Variants in BRI3BP observed in about 807,000 individuals in gnomAD.
BRI3BP encodes BRI3-binding protein.
BRI3BP carries 7 observed loss-of-function variants against 15.8 expected under a neutral mutation model. That is an observed-to-expected ratio of 0.44 (90% CI 0.25 to 0.83). The LOEUF (loss-of-function observed/expected upper bound fraction) is 0.83, where lower values mean the gene tolerates loss of function less well. BRI3BP is among the 40% of genes least tolerant of loss of function. BRI3BP has a pLI of 0.20. For synonymous variants in BRI3BP, 192 were observed against 163.5 expected, an observed-to-expected ratio of 1.17 and a Z score of -1.33; for missense variants, 320 against 339.3, an observed-to-expected ratio of 0.94 and a Z score of 0.45.
At chr12:125,039,370 C>T in the BRI3BP span, among the ~76,000 whole-genome samples, 1 of 152,140 alleles carries the variant, frequency 6.6e-6, no homozygotes, top group Non-Finnish European at 1.5e-5. Context: ...TCAGGGGATC[C>T]TTTGCTAGGA....
At chr12:125,045,221 T>C in the BRI3BP span, among the ~76,000 whole-genome samples, 18 of 152,156 alleles carry the variant, frequency 1.2e-4, no homozygotes, top group African/African-American at 4.3e-4. Context: ...AGTGTAAAAC[T>C]GGCATCTAAG....
At chr12:125,034,999 G>T (rs1005067895), downstream of BRI3BP, among the ~76,000 whole-genome samples, 1 of 152,170 alleles carries the variant, frequency 6.6e-6, no homozygotes, top group Non-Finnish European at 1.5e-5. Flanking sequence ...ATCCATCCCA[G>T]TTGTTGCCCT....
In BRI3BP at chr12:125,019,016, G is replaced by A. The variant is rs138888878; in HGVS notation, c.317-5975G>A. ...TGGAATTACAGGCACCCACCACCAC[G>A]CCTGGCTAATTTTTATATTTCAGTA... is the stretch of plus-strand genomic sequence containing the variant. On this transcript the variant is annotated intron_variant, in intron 2 of 2. Coordinates refer to ENST00000341446, the MANE Select transcript of BRI3BP (RefSeq NM_080626.6). 2.2e-3 allele frequency among the ~76,000 whole-genome samples: 338 copies of A among 152,106 alleles called. 3 individuals carry two copies. The highest frequency in any genetic ancestry group is 5.0e-3 in the Admixed American group (77 of 15,260).
chr12:125,022,541 A>ATTTATTTTTTTTT, intron 2 of BRI3BP, among the ~76,000 whole-genome samples: 6 of 139,430 alleles, frequency 4.3e-5, no homozygotes, highest in Admixed American at 2.9e-4. Flanking sequence ...TTATTTATTT[A>ATTTATTTTTTTTT]TTTTTTGAGA....
At chr12:125,013,827 C>T (rs1397633583) in intron 2 of BRI3BP, among the ~76,000 whole-genome samples, 2 of 152,106 alleles carry the variant, frequency 1.3e-5, no homozygotes, top group Non-Finnish European at 2.9e-5. Flanking sequence ...GAGGCACGGC[C>T]CCTCCCTTTC....
Position 125,025,400 on chromosome 12 carries a change from C to G in BRI3BP, c.726C>G (p.Leu242=), listed in dbSNP as rs199583326. 6.2e-7 allele frequency: 1 copy of G among 1,607,498 alleles called. No individual in the cohort carries two copies. Among genetic ancestry groups the G allele is most frequent in the South Asian group, 1.1e-5 (1 of 90,458 alleles). The change falls in exon 3 of 3, where the codon CTC becomes CTG. Residue 242 remains leucine (L), a synonymous_variant. Transcript: ENST00000341446. ...RLLNIRLNRV[L]ESLDRSKDK is the part of the protein sequence containing the mutation. ...TCAACATCCGTCTCAACCGGGTGCT[C>G]GAGAGCCTGGACCGCTCCAAGGACA...
At chr12:125,018,866 T>A (rs1342631606) in intron 2 of BRI3BP, among the ~76,000 whole-genome samples, 1 of 151,754 alleles carries the variant, frequency 6.6e-6, no homozygotes, top group Non-Finnish European at 1.5e-5. Flanking sequence ...TGTTTTTGTT[T>A]TTGTTTTTTT....
At position 125,029,571 on chromosome 12, in the gene BRI3BP, T is replaced by TATATATATAC. The variant is rs1174530515; in HGVS notation, c.*4143_*4152dup. Reference sequence around the variant, plus strand: ...GTGTGTGTGTGTGTATATATATGTATATATATATACACACACACACACTTT... The same window carrying TATATATATAC: ...GTGTGTGTGTGTGTATATATATGTATATATATATACATATATATACACACACACACACTTT... On this transcript the variant is annotated 3_prime_UTR_variant, in exon 3 of 3. Transcript: ENST00000341446. The TATATATATAC allele has an allele frequency of 2.1e-5, 3 of 144,010 alleles. No individual in the cohort carries two copies. The highest frequency in any genetic ancestry group is 4.5e-5 in the Non-Finnish European group (3 of 67,036). The allele number at this position is 144,010 out of a possible 1,614,324, so 8.9% of individuals were successfully genotyped here.
At chr12:125,032,685 G>T (rs547416257), downstream of BRI3BP, among the ~76,000 whole-genome samples, 44 of 152,142 alleles carry the variant, frequency 2.9e-4, no homozygotes, top group South Asian at 8.9e-3. Flanking sequence ...GACGTGGGAG[G>T]ATCGCTTGAG....
downstream of BRI3BP, among the ~76,000 whole-genome samples, chr12:125,034,932 C>T (rs1447592522): frequency 6.6e-6 from 1 of 152,144 alleles, no homozygotes; most frequent in Non-Finnish European, 1.5e-5. Flanking sequence ...GATGAAACAG[C>T]ATGTGTCTCC....
chr12:125,036,946 C>T, the BRI3BP span, among the ~76,000 whole-genome samples: 25,959 of 152,194 alleles, frequency 0.17, 2,496 homozygotes, highest in Non-Finnish European at 0.22. Flanking sequence ...CTTGAACTTC[C>T]CAGCCTCCAG....
At chr12:125,037,338 G>A in the BRI3BP span, among the ~76,000 whole-genome samples, 1 of 152,134 alleles carries the variant, frequency 6.6e-6, no homozygotes, top group Non-Finnish European at 1.5e-5. Context: ...GATTACAGGC[G>A]TGAGCCGCCA....
chr12:125,024,961 C>T (rs1269495210), intron 2 of BRI3BP, 30 bp from the exon 3 acceptor site: 2 of 1,573,696 alleles, frequency 1.3e-6, no homozygotes, highest in Non-Finnish European at 8.7e-7. Flanking sequence ...CCCTGCGTAA[C>T]GAGCCCTGTT....
At chr12:125,005,555 G>A (rs1226539413) in intron 1 of BRI3BP, among the ~76,000 whole-genome samples, 1 of 152,008 alleles carries the variant, frequency 6.6e-6, no homozygotes, top group East Asian at 1.9e-4. Context: ...GATCACTTGA[G>A]GTCAGGAATT....
chr12:125,027,914 C>G lies in BRI3BP; in HGVS notation c.*2484C>G, dbSNP rs971882453. 6.6e-6 allele frequency: 1 copy of G among 152,118 alleles called. No homozygotes were observed. Among genetic ancestry groups the G allele is most frequent in the African/African-American group, 2.4e-5 (1 of 41,442 alleles). The allele number at this position is 152,118 out of a possible 1,614,324, so 9.4% of individuals were successfully genotyped here. A position where few individuals can be genotyped will look rare whatever the true frequency, so the allele number is the denominator to read the frequency against. On this transcript the variant is annotated 3_prime_UTR_variant, in exon 3 of 3. Coordinates refer to ENST00000341446, the MANE Select transcript of BRI3BP (RefSeq NM_080626.6). Reference sequence around the variant, plus strand: ...GTGTTAGCCAGGATGGTCTCGATCTCCTGACCTCGTGATCCGCCCGCCTCG... The same window carrying G: ...GTGTTAGCCAGGATGGTCTCGATCTGCTGACCTCGTGATCCGCCCGCCTCG...
chr12:125,036,040 A>G (rs1329668348), downstream of BRI3BP, among the ~76,000 whole-genome samples: 1 of 140,258 alleles, frequency 7.1e-6, no homozygotes, highest in Non-Finnish European at 1.5e-5. Context: ...AAAATGAGTA[A>G]TCTATAGTTT....
At chr12:125,045,576 C>A in the BRI3BP span, among the ~76,000 whole-genome samples, 1 of 152,158 alleles carries the variant, frequency 6.6e-6, no homozygotes, top group African/African-American at 2.4e-5. Context: ...TCGCGATCTG[C>A]CCGCCTAGGT....
chr12:125,022,079 TAAAAAAAAAA>T (rs57327862), intron 2 of BRI3BP, among the ~76,000 whole-genome samples: 3 of 129,364 alleles, frequency 2.3e-5, no homozygotes, highest in Admixed American at 7.8e-5. Flanking sequence ...GACCCTGTCT[TAAAAAAAAAA>T]AAAAAAAAAA....
chr12:125,005,502 C>G (rs868573378), intron 1 of BRI3BP, among the ~76,000 whole-genome samples: 5 of 152,100 alleles, frequency 3.3e-5, no homozygotes, highest in African/African-American at 1.2e-4. Context: ...GGGATGGTGG[C>G]TCATGCCTGT....
Sources: gnomAD v4.1 joint callset for allele counts (sites outside exome capture counted in the v4.1 genomes callset) on GRCh38, gnomAD v4.1.1 for gene constraint, MANE v1.5 for transcripts, NCBI Gene and HGNC (gene_info 2026-07-23, HGNC 2026-07-21) for gene names.